NEB: variants seen among roughly 807,000 people sequenced by gnomAD.
NEB encodes the protein nemaline myopathy type 2.
Under a neutral mutation model 952.2 loss-of-function variants are expected in NEB, and 512 were observed. The observed-to-expected ratio is 0.54, with a 90% confidence interval of 0.50 to 0.58. The LOEUF (loss-of-function observed/expected upper bound fraction) is 0.58, where lower values mean the gene tolerates loss of function less well. Ranked by LOEUF, NEB falls within the 20% of genes least tolerant of loss-of-function variation. The pLI is 0.00. For synonymous variants in NEB, 2,900 were observed against 3,149.8 expected (o/e 0.92, Z 2.66); for missense variants, 8,428 against 9,231.1 (o/e 0.91, Z 3.56).
chr2:151,727,917 G>A lies in NEB; in HGVS notation c.79-11C>T. The A allele has an allele frequency of 6.2e-7, 1 of 1,600,252 alleles. No homozygotes were observed. On this transcript the variant is annotated splice_polypyrimidine_tract_variant and intron_variant, in intron 4 of 181. Transcript: ENST00000397345. Reference sequence around the variant, plus strand: ...AATTTTTGTTATTGTCTGAAAATTTGATATGCAGTTCAACATTGTTGTGAA... The same window carrying A: ...AATTTTTGTTATTGTCTGAAAATTTAATATGCAGTTCAACATTGTTGTGAA...
Position 151,720,509 on chromosome 2 carries a change from C to A in NEB, c.717+2873G>T, listed in dbSNP as rs150000214. On this transcript the variant is annotated intron_variant, in intron 9 of 181. Coordinates refer to ENST00000397345, the MANE Select transcript of NEB (RefSeq NM_001164508.2). ...TCTTTTTGAGGAATAGCAGGGAAGA[C>A]TTTACTTCATTATTGTATGTTCTCT... is the stretch of plus-strand genomic sequence containing the variant. 6.0e-4 allele frequency among the ~76,000 whole-genome samples: 92 copies of A among 152,314 alleles called. 1 individual carries two copies. Among genetic ancestry groups the A allele is most frequent in the African/African-American group, 2.1e-3 (87 of 41,578 alleles).
intron 3 of NEB, 25 bp from the exon 4 acceptor site, chr2:151,729,681 G>A: frequency 1.2e-6 from 2 of 1,612,746 alleles, no homozygotes; most frequent in South Asian, 1.1e-5. Flanking sequence ...CAAAGGCATT[G>A]GCAAGAGAAC....
intron 121 of NEB, 131 bp downstream of exon 121, chr2:151,561,979 A>G (rs1239048547): frequency 8.7e-6 from 6 of 691,488 alleles, no homozygotes; most frequent in Non-Finnish European, 1.5e-5. Flanking sequence ...TTTGATTGGG[A>G]GAGGAGGGGC....
intron 24 of NEB, 72 bp downstream of exon 24, chr2:151,690,655 A>C: frequency 9.3e-7 from 1 of 1,074,768 alleles, no homozygotes; most frequent in Non-Finnish European, 1.4e-6. Context: ...AAGATTAAGC[A>C]TGTAAATGCT....
intron 52 of NEB, among the ~76,000 whole-genome samples, chr2:151,651,946 A>C (rs1190318569): frequency 6.6e-6 from 1 of 152,190 alleles, no homozygotes; most frequent in Admixed American, 6.5e-5. Context: ...ATTTTGAGGG[A>C]TTCTATTTTG....
chr2:151,683,288 C>T (rs2099442260), intron 28 of NEB, among the ~76,000 whole-genome samples: 1 of 152,148 alleles, frequency 6.6e-6, no homozygotes, highest in East Asian at 1.9e-4. Flanking sequence ...CATTGGCTAA[C>T]AAAACACTTT....
intron 9 of NEB, among the ~76,000 whole-genome samples, chr2:151,721,490 C>T (rs920268805): frequency 2.6e-5 from 4 of 152,174 alleles, no homozygotes; most frequent in Non-Finnish European, 5.9e-5. Flanking sequence ...TTCATCACCA[C>T]CCATGCCCTT....
rs150496369 is a variant in NEB, at chr2:151,664,801, C to A, written c.5301G>T (p.Pro1767=). 6.2e-7 allele frequency: 1 copy of A among 1,612,648 alleles called. No homozygotes were observed. The highest frequency in any genetic ancestry group is 8.5e-7 in the Non-Finnish European group (1 of 1,179,298). The part of the protein sequence containing the change: ...KTTIHVMPDT[P]DILLSRVNQI... ...GGTTTACTCTGGAGAGTAAAATATC[C>A]GGTGTGTCAGGCATGACATGAATGG... Residue 1767 remains proline, a synonymous_variant, in exon 43 of 182, where the codon CCG becomes CCT. Coordinates refer to ENST00000397345, the MANE Select transcript of NEB (RefSeq NM_001164508.2).
chr2:151,499,208 G>A (rs2062582119), intron 169 of NEB, 90 bp downstream of exon 169: 2 of 656,258 alleles, frequency 3.0e-6, no homozygotes, highest in Non-Finnish European at 5.0e-6. Context: ...ATTTTTTATT[G>A]GGATGAGTTG....
chr2:151,501,269 T>A (rs921236448), intron 168 of NEB, 122 bp downstream of exon 168: 3 of 623,650 alleles, frequency 4.8e-6, no homozygotes, highest in Non-Finnish European at 8.4e-6. Context: ...AAGGATTCAG[T>A]TGATGTGATT....
chr2:151,500,622 G>T (rs1222801646), intron 168 of NEB, among the ~76,000 whole-genome samples: 52 of 145,520 alleles, frequency 3.6e-4, no homozygotes, highest in Admixed American at 2.8e-4. Context: ...TTGAAACAGG[G>T]TCTCACTCCT....
chr2:151,675,592 A>C (rs188247438), intron 34 of NEB, among the ~76,000 whole-genome samples: 124 of 152,292 alleles, frequency 8.1e-4, no homozygotes, highest in African/African-American at 2.9e-3. Flanking sequence ...AAGGAGAAAA[A>C]ATCCTTAAGA....
Position 151,679,966 on chromosome 2 carries a change from G to A in NEB, c.3099C>T (p.Asp1033=). The A allele has an allele frequency of 6.2e-7, 1 of 1,613,828 alleles. No individual in the cohort carries two copies. The highest frequency in any genetic ancestry group is 8.5e-7 in the Non-Finnish European group (1 of 1,179,728). The part of the protein sequence containing the change: ...EIIHKYNLPP[D]LPQFIQAKVN... ...CTTTAGCCTGGATGAACTGGGGCAG[G>A]TCTGGTGGCAGGTTGTATTTGTGAA... The change falls in exon 31 of 182, where the codon GAC becomes GAT. Residue 1033 remains aspartate (D), a synonymous_variant. Transcript: ENST00000397345.
chr2:151,574,165 A>G (rs1578174061), intron 107 of NEB, among the ~76,000 whole-genome samples: 1 of 152,130 alleles, frequency 6.6e-6, no homozygotes, highest in South Asian at 2.1e-4. Flanking sequence ...TAGTAGAGAC[A>G]GGGTTTCACC....
chr2:151,537,066 G>A, intron 141 of NEB, 66 bp downstream of exon 141: 2 of 971,312 alleles, frequency 2.1e-6, no homozygotes, highest in South Asian at 3.1e-5. Flanking sequence ...ATTTCTCAGT[G>A]CTAATTCTCT....
intron 45 of NEB, among the ~76,000 whole-genome samples, chr2:151,662,959 T>C (rs1377936082): frequency 1.3e-5 from 2 of 152,244 alleles, no homozygotes; most frequent in African/African-American, 4.8e-5. Context: ...AAGAGAAATG[T>C]AGCCTTGCTT....
At chr2:151,723,765 T>TTTTTTTTTTTTTTC in intron 8 of NEB, among the ~76,000 whole-genome samples, 1 of 149,056 alleles carries the variant, frequency 6.7e-6, no homozygotes, top group Non-Finnish European at 1.5e-5. Context: ...TTTTTTTTTT[T>TTTTTTTTTTTTTTC]TTTTTTTTTG....
In NEB at chr2:151,631,045, G is replaced by A. The variant is rs551129690; in HGVS notation, c.9618+98C>T. ...CATGTAATTTAAAAGGTAAAAATGC[G>A]ACCCCACGCCTTCATAGATAATTTA... On this transcript the variant is annotated intron_variant, in intron 66 of 181. Transcript: ENST00000397345. 54 of 1,467,906 alleles carry A rather than the reference G, an allele frequency of 3.7e-5. No individual in the cohort carries two copies. In the South Asian group the frequency reaches 5.1e-4, roughly 14 times the overall value. The allele number at this position is 1,467,906 out of a possible 1,614,324, so 90.9% of individuals were successfully genotyped here. A position where few individuals can be genotyped will look rare whatever the true frequency, so the allele number is the denominator to read the frequency against.
intron 135 of NEB, among the ~76,000 whole-genome samples, chr2:151,543,628 AT>A (rs1034107447): frequency 7.2e-5 from 11 of 152,074 alleles, no homozygotes; most frequent in African/African-American, 1.9e-4. Context: ...CTCCCAAGCA[AT>A]TTTTTTCTTA....
Sources: allele counts gnomAD v4.1 joint callset (sites outside exome capture counted in the v4.1 genomes callset), GRCh38; gene constraint gnomAD v4.1.1; transcripts MANE v1.5; gene names NCBI Gene and HGNC (gene_info 2026-07-23, HGNC 2026-07-21).